Variants in KIF18A observed in about 807,000 individuals in gnomAD.
The protein encoded by KIF18A is kinesin family member 18A.
A neutral mutation model predicts 103.3 loss-of-function variants in KIF18A; 67 were observed. The observed-to-expected ratio is 0.65, with a 90% CI of 0.53 to 0.79. The LOEUF is 0.79. Among genes scored for constraint, KIF18A ranks in the 30% least tolerant of loss-of-function variants. The pLI is 0.00. For synonymous variants in KIF18A, 367 were observed against 355.5 expected (o/e 1.03, Z -0.36); for missense variants, 1,032 against 1,062.5 (o/e 0.97, Z 0.40).
chr11:28,097,431 G>T, intron 2 of KIF18A, 192 bp downstream of exon 2: 1 of 561,594 alleles, frequency 1.8e-6, no homozygotes, highest in Non-Finnish European at 3.1e-6. Flanking sequence ...GTTTACAAAT[G>T]ATGTATAAGT....
chr11:28,082,205 G>C (rs1322633406), intron 9 of KIF18A, among the ~76,000 whole-genome samples: 1 of 152,132 alleles, frequency 6.6e-6, no homozygotes, highest in African/African-American at 2.4e-5. Context: ...ATAGCTGATA[G>C]AGCAGTGGCA....
chr11:28,029,585 C>A (rs1420248566), intron 15 of KIF18A, among the ~76,000 whole-genome samples: 4 of 152,116 alleles, frequency 2.6e-5, no homozygotes, highest in Non-Finnish European at 4.4e-5. Flanking sequence ...ACTGAATGTG[C>A]AAAAACTGGA....
intron 13 of KIF18A, among the ~76,000 whole-genome samples, chr11:28,051,767 A>C (rs1280795970): frequency 2.0e-5 from 3 of 151,992 alleles, no homozygotes; most frequent in African/African-American, 7.2e-5. Context: ...TTTAAATATC[A>C]TCTAAATGTT....
At chr11:28,069,460 TATG>T (rs1263441587) in intron 10 of KIF18A, 37 bp from the exon 11 acceptor site, 1 of 1,588,096 alleles carries the variant, frequency 6.3e-7, no homozygotes, top group East Asian at 2.2e-5. Context: ...ATCTAATTTT[TATG>T]ATATTTGATG....
At chr11:28,029,071 C>A (rs184220632) in intron 15 of KIF18A, among the ~76,000 whole-genome samples, 24 of 152,022 alleles carry the variant, frequency 1.6e-4, no homozygotes, top group Non-Finnish European at 2.8e-4. Flanking sequence ...CAGGACCGGG[C>A]GGATTCACAG....
At chr11:28,033,930 T>C (rs1048926259) in intron 15 of KIF18A, among the ~76,000 whole-genome samples, 3 of 151,706 alleles carry the variant, frequency 2.0e-5, no homozygotes, top group African/African-American at 7.3e-5. Context: ...TTACACATTG[T>C]ATGCTTGTAT....
chr11:28,032,055 T>G (rs1850417347), intron 15 of KIF18A, among the ~76,000 whole-genome samples: 1 of 149,320 alleles, frequency 6.7e-6, no homozygotes. Flanking sequence ...GAATACAAAA[T>G]CAATATACAA....
chr11:28,038,928 G>A (rs1850526171), intron 13 of KIF18A, among the ~76,000 whole-genome samples: 1 of 151,636 alleles, frequency 6.6e-6, no homozygotes, highest in Non-Finnish European at 1.5e-5. Context: ...CCACCAATTT[G>A]GTGGCTATTA....
intron 13 of KIF18A, among the ~76,000 whole-genome samples, chr11:28,057,297 C>T (rs751303121): frequency 6.6e-6 from 1 of 152,020 alleles, no homozygotes; most frequent in Non-Finnish European, 1.5e-5. Context: ...GGATGGATCA[C>T]GAGGTCAGGA....
At chr11:28,065,414 G>A (rs562595282) in intron 11 of KIF18A, among the ~76,000 whole-genome samples, 5 of 152,152 alleles carry the variant, frequency 3.3e-5, no homozygotes, top group African/African-American at 1.2e-4. Flanking sequence ...CAAGTTATTT[G>A]TGATAAAATG....
chr11:28,045,469 T>C (rs955861327), intron 13 of KIF18A, among the ~76,000 whole-genome samples: 1 of 151,838 alleles, frequency 6.6e-6, no homozygotes, highest in African/African-American at 2.4e-5. Context: ...AGTATATTCT[T>C]ACTTCTAATA....
In KIF18A at chr11:28,063,483, A is replaced by G. The variant is rs372080964; in HGVS notation, c.1591-967T>C. Among the ~76,000 whole-genome samples, 203 of 152,064 alleles carry G rather than the reference A, an allele frequency of 1.3e-3. 1 individual carries two copies. The highest frequency in any genetic ancestry group is 4.6e-3 in the African/African-American group (193 of 41,542). On this transcript the variant is annotated intron_variant, in intron 11 of 16. Transcript: ENST00000263181. ...CTCCATCCTAGGCAAAAGTGTGAAA[A>G]TGTTTTTTTGCAGGCTCCATTTTCC...
In KIF18A at chr11:28,036,450, G is replaced by A. The variant is rs752009172; in HGVS notation, c.2163C>T (p.Thr721=). The A allele has an allele frequency of 1.9e-6, 3 of 1,610,696 alleles. No individual in the cohort carries two copies. The highest frequency in any genetic ancestry group is 2.2e-5 in the East Asian group (1 of 44,766). The change falls in exon 14 of 17, where the codon ACC becomes ACT. Residue 721 remains threonine (T), a synonymous_variant. Coordinates refer to ENST00000263181, the MANE Select transcript of KIF18A (RefSeq NM_031217.4). ...TAGTAAATGATGATGGTTTCATTAAGGTTACTGTAGACGGATTTTGAAAAG... is the reference window on the plus strand; with the variant it reads ...TAGTAAATGATGATGGTTTCATTAAAGTTACTGTAGACGGATTTTGAAAAG... ...RKAFQNPSTV[T]LMKPSSFTTS...
In KIF18A at chr11:28,097,984, G is replaced by T. The variant is rs187449725; in HGVS notation, c.-37C>A. On this transcript the variant is annotated 5_prime_UTR_variant, in exon 2 of 17. Transcript: ENST00000263181. ...TTGATTCCTATCTGTATAAATACTT[G>T]AATACTTCTCTGAAATTAAAAAAGA... 704 of 1,378,268 alleles carry T rather than the reference G, an allele frequency of 5.1e-4. 1 individual carries two copies. Among genetic ancestry groups the T allele is most frequent in the Middle Eastern group, 3.2e-3 (17 of 5,344 alleles). 85.4% of individuals were successfully genotyped at this position (1,378,268 alleles called of 1,614,324 possible). A position where few individuals can be genotyped will look rare whatever the true frequency, so the allele number is the denominator to read the frequency against.
intron 13 of KIF18A, among the ~76,000 whole-genome samples, chr11:28,058,048 T>C (rs1452287901): frequency 1.3e-5 from 2 of 152,200 alleles, no homozygotes; most frequent in Non-Finnish European, 2.9e-5. Context: ...ATCTCTGAGA[T>C]AGGGCATAAA....
In KIF18A at chr11:28,106,438, C is replaced by A. The variant is rs1385606200; in HGVS notation, c.-47+1626G>T. On this transcript the variant is annotated intron_variant, in intron 1 of 16. Coordinates refer to ENST00000263181, the MANE Select transcript of KIF18A (RefSeq NM_031217.4). ...CTTTTTGGAATATCAGTCTTGGGGGCACTACTCCCACCAACTTACAACCAT... is the reference window on the plus strand; with the variant it reads ...CTTTTTGGAATATCAGTCTTGGGGGAACTACTCCCACCAACTTACAACCAT... 6.0e-5 allele frequency among the ~76,000 whole-genome samples: 9 copies of A among 151,188 alleles called. No individual in the cohort carries two copies. In the South Asian group the frequency reaches 6.2e-4, roughly 10 times the overall value.
intron 13 of KIF18A, among the ~76,000 whole-genome samples, chr11:28,046,372 A>G (rs1194800447): frequency 6.7e-6 from 1 of 149,820 alleles, no homozygotes; most frequent in Non-Finnish European, 1.5e-5. Flanking sequence ...AGCCATAAAA[A>G]ATGATGAGTT....
chr11:28,078,319 T>C (rs1408373110), intron 9 of KIF18A, among the ~76,000 whole-genome samples: 1 of 152,180 alleles, frequency 6.6e-6, no homozygotes, highest in African/African-American at 2.4e-5. Flanking sequence ...TTTCATTGCA[T>C]TATATTACAC....
intron 6 of KIF18A, among the ~76,000 whole-genome samples, chr11:28,086,608 G>C (rs1446255627): frequency 1.3e-5 from 2 of 152,158 alleles, no homozygotes; most frequent in Non-Finnish European, 2.9e-5. Context: ...GAAATGATTT[G>C]ACTAGGGTCA....
Sources: gnomAD v4.1 joint callset for allele counts (sites outside exome capture counted in the v4.1 genomes callset) on GRCh38, gnomAD v4.1.1 for gene constraint, MANE v1.5 for transcripts, NCBI Gene and HGNC (gene_info 2026-07-23, HGNC 2026-07-21) for gene names.